GPC6: variants seen among roughly 807,000 people sequenced by gnomAD.
GPC6 encodes the protein glypican-6.
GPC6 carries 14 observed loss-of-function variants against 55.2 expected under a neutral mutation model. The ratio of observed to expected loss-of-function variants is 0.25; its 90% CI spans 0.17 to 0.40. The LOEUF (loss-of-function observed/expected upper bound fraction) is 0.40, where lower values mean the gene tolerates loss of function less well. GPC6 is among the 10% of genes least tolerant of loss of function. The probability of loss-of-function intolerance (pLI) is 1.00; values close to 1 mark genes in which losing one functional copy is unlikely to be tolerated. For missense variants in GPC6, 641 were observed against 708.5 expected, an observed-to-expected ratio of 0.90 and a Z score of 1.08; for synonymous variants, 278 against 259.6, an observed-to-expected ratio of 1.07 and a Z score of -0.68.
At chr13:93,701,687 G>A (rs1882675782) in intron 2 of GPC6, among the ~76,000 whole-genome samples, 1 of 151,952 alleles carries the variant, frequency 6.6e-6, no homozygotes, top group African/African-American at 2.4e-5. Context: ...ATAAGTTCAT[G>A]TAATATTCCA....
chr13:93,754,606 A>T (rs183130462), intron 2 of GPC6, among the ~76,000 whole-genome samples: 103 of 152,248 alleles, frequency 6.8e-4, no homozygotes, highest in African/African-American at 2.4e-3. Flanking sequence ...TACACTTAGA[A>T]TCAGAGTACC....
chr13:93,355,531 A>T (rs75533507), intron 1 of GPC6, among the ~76,000 whole-genome samples: 2,390 of 152,286 alleles, frequency 0.016, 52 homozygotes, highest in African/African-American at 0.051. Context: ...TGAGCAGATG[A>T]ACTCCCATGG....
intron 1 of GPC6, among the ~76,000 whole-genome samples, chr13:93,292,766 T>C (rs146735259): frequency 2.5e-3 from 388 of 152,318 alleles, no homozygotes; most frequent in African/African-American, 7.7e-3. Context: ...GATAATTTTA[T>C]ACCCATATTC....
intron 6 of GPC6, among the ~76,000 whole-genome samples, chr13:94,334,250 G>T (rs139702990): frequency 3.3e-3 from 505 of 152,304 alleles, no homozygotes; most frequent in Middle Eastern, 6.8e-3. Flanking sequence ...ACATGAGCAT[G>T]GCTGTGCTTC....
intron 1 of GPC6, among the ~76,000 whole-genome samples, chr13:93,502,969 T>A (rs893899333): frequency 3.3e-5 from 5 of 152,196 alleles, no homozygotes; most frequent in African/African-American, 1.2e-4. Flanking sequence ...AGTTTAAAAT[T>A]TTAAAAAAAG....
At chr13:94,157,400 A>C (rs529044865) in intron 4 of GPC6, among the ~76,000 whole-genome samples, 143 of 152,286 alleles carry the variant, frequency 9.4e-4, no homozygotes, top group Non-Finnish European at 1.2e-3. Context: ...AGGCTGAATC[A>C]TAGAAACCTT....
chr13:94,104,550 G>A (rs890193649), intron 4 of GPC6, among the ~76,000 whole-genome samples: 21 of 152,176 alleles, frequency 1.4e-4, no homozygotes, highest in Non-Finnish European at 2.5e-4. Context: ...CAGATGACGT[G>A]ATTGTATATC....
intron 1 of GPC6, among the ~76,000 whole-genome samples, chr13:93,465,913 A>G (rs1197175030): frequency 2.0e-5 from 3 of 152,156 alleles, no homozygotes; most frequent in Non-Finnish European, 4.4e-5. Flanking sequence ...CAGATTATCA[A>G]TTTGCCTAAT....
chr13:93,800,938 T>C (rs1311935894), intron 2 of GPC6, among the ~76,000 whole-genome samples: 1 of 152,160 alleles, frequency 6.6e-6, no homozygotes, highest in African/African-American at 2.4e-5. Context: ...AGTTATTTGT[T>C]GTATAGGGTA....
intron 7 of GPC6, among the ~76,000 whole-genome samples, chr13:94,395,575 A>C (rs546479526): frequency 6.6e-6 from 1 of 152,328 alleles, no homozygotes; most frequent in African/African-American, 2.4e-5. Context: ...AAATAGCTTA[A>C]ATACCAAAGT....
At chr13:93,462,511 C>T (rs1878729898) in intron 1 of GPC6, among the ~76,000 whole-genome samples, 1 of 151,446 alleles carries the variant, frequency 6.6e-6, no homozygotes, top group African/African-American at 2.4e-5. Context: ...AAAAAGCGGT[C>T]ATTCTTCCCC....
intron 6 of GPC6, among the ~76,000 whole-genome samples, chr13:94,310,851 C>T (rs1307566036): frequency 6.6e-6 from 1 of 152,116 alleles, no homozygotes; most frequent in Non-Finnish European, 1.5e-5. Flanking sequence ...TCAGACGATG[C>T]GTAGTCCGCC....
Position 93,554,545 on chromosome 13 carries a change from A to G in GPC6, c.319+9124A>G, listed in dbSNP as rs376343652. 2.4e-3 allele frequency among the ~76,000 whole-genome samples: 373 copies of G among 152,346 alleles called. 3 individuals carry two copies. The highest frequency in any genetic ancestry group is 8.5e-3 in the African/African-American group (353 of 41,590). On this transcript the variant is annotated intron_variant, in intron 2 of 8. Transcript: ENST00000377047. ...AAAATAAGGAAAATATCCAAACCCG[A>G]ACTTTGGCAAGATTCAAATGACAGT...
intron 2 of GPC6, among the ~76,000 whole-genome samples, chr13:93,760,149 AC>A (rs1442100336): frequency 1.3e-5 from 2 of 152,182 alleles, no homozygotes; most frequent in Admixed American, 1.3e-4. Flanking sequence ...AATAGGTGGT[AC>A]TGTGTATGAT....
intron 3 of GPC6, among the ~76,000 whole-genome samples, chr13:93,936,218 A>G (rs1878429334): frequency 1.3e-5 from 2 of 152,318 alleles, no homozygotes; most frequent in South Asian, 4.1e-4. Flanking sequence ...TTCTGACATG[A>G]CAAGTCATTT....
chr13:93,438,366 T>G (rs1213104406), intron 1 of GPC6, among the ~76,000 whole-genome samples: 5 of 152,322 alleles, frequency 3.3e-5, no homozygotes, highest in Admixed American at 1.3e-4. Context: ...CAAAGTCAAT[T>G]GAAAACCTTT....
intron 2 of GPC6, among the ~76,000 whole-genome samples, chr13:93,792,101 G>A (rs532553599): frequency 6.6e-6 from 1 of 152,302 alleles, no homozygotes; most frequent in East Asian, 1.9e-4. Flanking sequence ...AAATTAACAG[G>A]AAATGGAAAT....
At chr13:93,838,198 TCA>T (rs1280858125) in intron 3 of GPC6, among the ~76,000 whole-genome samples, 2 of 152,166 alleles carry the variant, frequency 1.3e-5, no homozygotes, top group Non-Finnish European at 2.9e-5. Context: ...CTTGAGGGAT[TCA>T]CAGTCTATCA....
At chr13:93,452,358 A>G (rs1303191090) in intron 1 of GPC6, among the ~76,000 whole-genome samples, 1 of 152,230 alleles carries the variant, frequency 6.6e-6, no homozygotes, top group African/African-American at 2.4e-5. Context: ...ATTTTAAAGT[A>G]TATTAGAAAT....
Sources: allele counts gnomAD v4.1 joint callset (sites outside exome capture counted in the v4.1 genomes callset), GRCh38; gene constraint gnomAD v4.1.1; transcripts MANE v1.5; gene names NCBI Gene and HGNC (gene_info 2026-07-23, HGNC 2026-07-21).